Variants in APOBEC3A observed in about 807,000 individuals in gnomAD.
The protein encoded by APOBEC3A is apolipoprotein B mRNA editing enzyme catalytic subunit 3A, also known as DNA dC->dU-editing enzyme APOBEC-3A.
In APOBEC3A, 13 loss-of-function variants were observed where a neutral mutation model predicts 23.0. The ratio of observed to expected loss-of-function variants is 0.57; its 90% CI spans 0.37 to 0.90. The LOEUF (loss-of-function observed/expected upper bound fraction) is 0.90, where lower values mean the gene tolerates loss of function less well. Ranked by LOEUF, APOBEC3A falls within the 40% of genes least tolerant of loss-of-function variation. The pLI is 0.01. For missense variants in APOBEC3A, 179 were observed against 264.9 expected, an observed-to-expected ratio of 0.68 and a Z score of 2.25; for synonymous variants, 74 against 101.3, an observed-to-expected ratio of 0.73 and a Z score of 1.62.
Position 38,957,699 on chromosome 22 carries a change from C to A in APOBEC3A, c.8C>A (p.Ala3Asp). Residue 3 changes from alanine (A) to aspartate (D), a missense_variant, in exon 1 of 5, where the codon GCC (alanine) becomes GAC (aspartate). Around this residue, in one of 5 missense-constraint regions of APOBEC3A, gnomAD observed 87 missense variants for 74.5 expected, o/e 1.17. Transcript: ENST00000249116. MEASPASGPRHLM... is the reference protein window; with the variant it reads MEDSPASGPRHLM... ...CCGAGAAGGGACAAGCACATGGAAG[C>A]CAGCCCAGCATCCGGGCCCAGGTAT... 1 of 1,612,920 alleles carries A rather than the reference C, an allele frequency of 6.2e-7. No homozygotes were observed.
intron 1 of APOBEC3A, among the ~76,000 whole-genome samples, chr22:38,957,995 A>G (rs1441833185): frequency 6.6e-6 from 1 of 152,232 alleles, no homozygotes; most frequent in African/African-American, 2.4e-5. Flanking sequence ...CAGCCAGTGA[A>G]GACGGTCAGA....
chr22:38,958,707 C>T lies in APOBEC3A; in HGVS notation c.30-835C>T, dbSNP rs137881788. 6.3e-3 allele frequency among the ~76,000 whole-genome samples: 844 copies of T among 133,822 alleles called. 16 individuals carry two copies. The highest frequency in any genetic ancestry group is 0.023 in the African/African-American group (805 of 35,504). 87.8% of individuals were successfully genotyped at this position (133,822 alleles called of 152,430 possible). A position where few individuals can be genotyped will look rare whatever the true frequency, so the allele number is the denominator to read the frequency against. On this transcript the variant is annotated intron_variant, in intron 1 of 4. Transcript: ENST00000249116. ...TCCTTTCTTTTTTCTTTCTTTCTTT[C>T]CTTCTTTTTCTTTTCCTTCCTTCCT...
chr22:38,961,595 G>C lies in APOBEC3A; in HGVS notation c.383G>C (p.Arg128Pro). Residue 128 changes from arginine to proline, a missense_variant, in exon 3 of 5, where the codon CGC becomes CCC. Physicochemically the swap from Arg to Pro is moderately radical, Grantham distance 103. Coordinates refer to ENST00000249116, the MANE Select transcript of APOBEC3A (RefSeq NM_145699.4). ...GTGAGACTGCGTATCTTCGCTGCCC[G>C]CATCTATGATTACGACCCCCTATAT... ...THVRLRIFAA[R>P]IYDYDPLYKE... 1.3e-6 allele frequency: 2 copies of C among 1,533,790 alleles called. No homozygotes were observed. Among genetic ancestry groups the C allele is most frequent in the East Asian group, 2.3e-5 (1 of 43,826 alleles).
chr22:38,959,195 G>T (rs1922751494), intron 1 of APOBEC3A, among the ~76,000 whole-genome samples: 2 of 152,318 alleles, frequency 1.3e-5, no homozygotes, highest in South Asian at 4.1e-4. Flanking sequence ...TCCATCTCCA[G>T]CAGGGGCTGT....
In APOBEC3A at chr22:38,963,156, A is replaced by G. The variant is rs1457412971; in HGVS notation, c.*647A>G. 2 of 152,634 alleles carry G rather than the reference A, an allele frequency of 1.3e-5. 1 individual carries two copies. Among genetic ancestry groups the G allele is most frequent in the East Asian group, 4.4e-4 (2 of 4,538 alleles). 9.5% of individuals were successfully genotyped at this position (152,634 alleles called of 1,614,324 possible). On this transcript the variant is annotated 3_prime_UTR_variant, in exon 5 of 5. Transcript: ENST00000249116. ...ATTGCTTTTGCTCAGTAACTGTGTC[A>G]TGAATTGCAAGAGTTTCCACAAACA...
At chr22:38,958,772 TTTC>T (rs1400457125) in intron 1 of APOBEC3A, among the ~76,000 whole-genome samples, 4 of 51,698 alleles carry the variant, frequency 7.7e-5, no homozygotes, top group South Asian at 6.9e-4. Flanking sequence ...TCTCTTTCTC[TTTC>T]TTTCTTTCTT....
At position 38,960,238 on chromosome 22, in the gene APOBEC3A, T is replaced by C. The variant is rs561101741; in HGVS notation, c.174+552T>C. ...CCTGGCCCCTACCCAGCACAGCCTC[T>C]GTCTGGAGAGACCAGGTAATGCTTG... On this transcript the variant is annotated intron_variant, in intron 2 of 4. Coordinates refer to ENST00000249116, the MANE Select transcript of APOBEC3A (RefSeq NM_145699.4). Among the ~76,000 whole-genome samples, 3 of 152,338 alleles carry C rather than the reference T, an allele frequency of 2.0e-5. No homozygotes were observed. The South Asian group carries it at 6.2e-4, about 32-fold the overall frequency.
intron 2 of APOBEC3A, among the ~76,000 whole-genome samples, chr22:38,960,198 C>T (rs1276644843): frequency 6.6e-6 from 1 of 152,194 alleles, no homozygotes; most frequent in Admixed American, 6.5e-5. Flanking sequence ...GCCCTGAGCC[C>T]GGGGGACTTT....
intron 1 of APOBEC3A, among the ~76,000 whole-genome samples, chr22:38,958,505 CTTTCATTCTTTCCTTCTTTCTTTCTTTTA>C (rs1403521213): frequency 1.5e-5 from 2 of 134,534 alleles, no homozygotes; most frequent in African/African-American, 5.8e-5. Context: ...CTTTCTTTTT[CTTTCATTCTTTCCTTCTTTCTTTCTTTTA>C]CTTCCTTCCT....
chr22:38,958,698 T>C (rs1299782244), intron 1 of APOBEC3A, among the ~76,000 whole-genome samples: 1 of 150,868 alleles, frequency 6.6e-6, no homozygotes, highest in Non-Finnish European at 1.5e-5. Context: ...CTTTTTTCTT[T>C]CTTTCTTTCC....
Position 38,962,479 on chromosome 22 carries a change from C to A in APOBEC3A, c.586-16C>A, listed in dbSNP as rs767725055. 7.5e-6 allele frequency: 12 copies of A among 1,599,048 alleles called. No homozygotes were observed. The highest frequency in any genetic ancestry group is 4.6e-5 in the East Asian group (2 of 43,630). On this transcript the variant is annotated splice_polypyrimidine_tract_variant and intron_variant, in intron 4 of 4. Transcript: ENST00000249116. ...TCTCTCACCTCCTGCTCCATTCAAC[C>A]CCCCTGCTCTTCCAGAATCAGGGAA... is the stretch of plus-strand genomic sequence containing the variant.
At chr22:38,961,835 AGGAGATGTGGGCCCAGGGAGGGCAG>A (rs1603264317) in intron 3 of APOBEC3A, among the ~76,000 whole-genome samples, 154 bp downstream of exon 3, 1 of 151,952 alleles carries the variant, frequency 6.6e-6, no homozygotes, top group East Asian at 1.9e-4. Context: ...AGGCCAGGCC[AGGAGATGTGGGCCCAGGGAGGGCAG>A]GGAGAGTGGC....
chr22:38,960,780 G>A (rs1045788258), intron 2 of APOBEC3A, among the ~76,000 whole-genome samples: 16 of 152,078 alleles, frequency 1.1e-4, no homozygotes, highest in Admixed American at 9.8e-4. Context: ...GGCCACAGAT[G>A]GGATGGGAGT....
chr22:38,957,719 A>G lies in APOBEC3A; in HGVS notation c.28A>G (p.Arg10Gly), dbSNP rs1281737712. The G allele has an allele frequency of 1.2e-6, 2 of 1,612,040 alleles. No individual in the cohort carries two copies. The highest frequency in any genetic ancestry group is 1.7e-6 in the Non-Finnish European group (2 of 1,178,990). The change falls in exon 1 of 5, where the codon AGA becomes GGA. Residue 10 changes from arginine to glycine, a missense_variant and splice_region_variant. Around this residue, in one of 5 missense-constraint regions of APOBEC3A, gnomAD observed 87 missense variants for 74.5 expected, o/e 1.17. Transcript: ENST00000249116. The part of the protein sequence containing the change: MEASPASGP[R>G]HLMDPHIFTS... ...GGAAGCCAGCCCAGCATCCGGGCCC[A>G]GGTATGGGAAGCCCCTCCGAGCACC...
intron 2 of APOBEC3A, among the ~76,000 whole-genome samples, chr22:38,960,349 T>C (rs569915924): frequency 6.6e-6 from 1 of 152,264 alleles, no homozygotes; most frequent in East Asian, 1.9e-4. Flanking sequence ...GCTTGGAACA[T>C]CCTTTCAAGG....
At chr22:38,962,052 C>A (rs536312375) in intron 3 of APOBEC3A, 46 bp from the exon 4 acceptor site, 1 of 1,578,748 alleles carries the variant, frequency 6.3e-7, no homozygotes, top group Admixed American at 1.7e-5. Context: ...GGTGCCACCC[C>A]GATCCCACAG....
intron 1 of APOBEC3A, among the ~76,000 whole-genome samples, chr22:38,958,162 G>A (rs1436729495): frequency 3.3e-5 from 5 of 152,180 alleles, no homozygotes; most frequent in Non-Finnish European, 7.4e-5. Flanking sequence ...GCTTGGCTAT[G>A]AGGAAGCCTT....
In APOBEC3A at chr22:38,959,570, T is replaced by C; in HGVS notation, c.58T>C (p.Ser20Pro). 4 of 1,614,006 alleles carry C rather than the reference T, an allele frequency of 2.5e-6. No homozygotes were observed. The highest frequency in any genetic ancestry group is 3.4e-6 in the Non-Finnish European group (4 of 1,179,972). The change falls in exon 2 of 5, where the codon TCC (serine) becomes CCC (proline). Residue 20 changes from serine (S) to proline (P), a missense_variant. Coordinates refer to ENST00000249116, the MANE Select transcript of APOBEC3A (RefSeq NM_145699.4). ...RHLMDPHIFT[S>P]NFNNGIGRHK... Reference sequence around the variant, plus strand: ...CTTGATGGATCCACACATATTCACTTCCAACTTTAACAATGGCATTGGAAG... The same window carrying C: ...CTTGATGGATCCACACATATTCACTCCCAACTTTAACAATGGCATTGGAAG...
intron 1 of APOBEC3A, among the ~76,000 whole-genome samples, chr22:38,959,251 A>G (rs1042947666): frequency 1.3e-5 from 2 of 152,226 alleles, no homozygotes; most frequent in African/African-American, 2.4e-5. Context: ...GCCACAGAAT[A>G]AGACCCAGCT....
Sources: allele counts gnomAD v4.1 joint callset (sites outside exome capture counted in the v4.1 genomes callset), GRCh38; gene constraint gnomAD v4.1.1; regional missense constraint gnomAD v4.1.1; transcripts MANE v1.5; gene names NCBI Gene and HGNC (gene_info 2026-07-23, HGNC 2026-07-21).